Variants in CELF2 observed in about 807,000 individuals in gnomAD.
CELF2 encodes CUGBP Elav-like family member 2.
Under a neutral mutation model 62.6 loss-of-function variants are expected in CELF2, and 8 were observed. That is an observed-to-expected ratio of 0.13 (90% CI 0.07 to 0.23). The LOEUF (loss-of-function observed/expected upper bound fraction) is 0.23. Among genes scored for constraint, CELF2 ranks in the 10% least tolerant of loss-of-function variants. The probability of loss-of-function intolerance (pLI) is 1.00; values close to 1 mark genes in which losing one functional copy is unlikely to be tolerated. For synonymous variants in CELF2, 258 were observed against 250.0 expected (o/e 1.03, Z -0.30); for missense variants, 333 against 671.0 (o/e 0.50, Z 5.56).
the CELF2 span, among the ~76,000 whole-genome samples, chr10:10,723,916 TA>T: frequency 4.6e-5 from 7 of 152,146 alleles, no homozygotes; most frequent in Non-Finnish European, 1.0e-4. Flanking sequence ...AGGTTTTTTT[TA>T]AAAAAATGCA....
Position 11,270,696 on chromosome 10 carries a change from G to T in CELF2, c.649G>T (p.Ala217Ser). The T allele has an allele frequency of 6.5e-7, 1 of 1,541,486 alleles. No individual in the cohort carries two copies. ...CTCTTCACCTATCGTGGTGAAGTTTGCTGACACTCAGAAGGACAAAGAGCA... is the reference window on the plus strand; with the variant it reads ...CTCTTCACCTATCGTGGTGAAGTTTTCTGACACTCAGAAGGACAAAGAGCA... ...GCSSPIVVKF[A>S]DTQKDKEQRR... The change falls in exon 7 of 13, where the codon GCT (alanine) becomes TCT (serine). Residue 217 changes from alanine (A) to serine (S), a missense_variant. Ala to Ser is a moderately conservative substitution (Grantham distance 99). This residue lies in a region of CELF2 where 253 missense variants were observed against 503.0 expected (regional missense o/e 0.50). Coordinates refer to ENST00000633077, the MANE Select transcript of CELF2 (RefSeq NM_001326342.2). This position sits in a 1 kb window ranked among gnomAD's most constrained non-coding sequence, Gnocchi z 5.8.
intron 2 of CELF2, among the ~76,000 whole-genome samples, chr10:11,180,140 G>T (rs1391655922): frequency 6.6e-6 from 1 of 152,178 alleles, no homozygotes. Flanking sequence ...ACCCGTCTGA[G>T]CCATGATGTC....
At chr10:10,958,168 C>T (rs973688660) in intron 2 of CELF2, among the ~76,000 whole-genome samples, 1 of 152,174 alleles carries the variant, frequency 6.6e-6, no homozygotes, top group Non-Finnish European at 1.5e-5. Flanking sequence ...CAAGTTTCAA[C>T]AAGAAAGAAA....
intron 1 of CELF2, among the ~76,000 whole-genome samples, chr10:10,863,982 C>G (rs996855811): frequency 6.6e-6 from 1 of 152,180 alleles, no homozygotes. Context: ...CCCCAAACGT[C>G]TTCTAGTTTG....
chr10:11,179,913 C>G (rs1254948990), intron 2 of CELF2, among the ~76,000 whole-genome samples: 1 of 152,114 alleles, frequency 6.6e-6, no homozygotes, highest in African/African-American at 2.4e-5. Context: ...AGGTAACAGT[C>G]ACACTCAGCC....
At chr10:11,307,657 G>A (rs2094325081) in intron 9 of CELF2, among the ~76,000 whole-genome samples, 1 of 152,180 alleles carries the variant, frequency 6.6e-6, no homozygotes, top group Admixed American at 6.5e-5. Context: ...AGAAGGTTGG[G>A]GAGATGAGGG....
chr10:11,161,501 G>A (rs2065723938), intron 1 of CELF2, among the ~76,000 whole-genome samples: 1 of 152,174 alleles, frequency 6.6e-6, no homozygotes, highest in Non-Finnish European at 1.5e-5. Context: ...CATTCTCTAG[G>A]CACCTTTTGT....
chr10:10,629,861 C>CAAAAAAAA, the CELF2 span, among the ~76,000 whole-genome samples: 4 of 12,344 alleles, frequency 3.2e-4, no homozygotes, highest in Admixed American at 1.3e-3. Flanking sequence ...GGCTGAAGAC[C>CAAAAAAAA]AAAAAAAAAA....
chr10:10,634,809 G>T, the CELF2 span, among the ~76,000 whole-genome samples: 1 of 151,916 alleles, frequency 6.6e-6, no homozygotes, highest in Non-Finnish European at 1.5e-5. Flanking sequence ...CTACAGGCAT[G>T]TGCCACCATG....
the CELF2 span, among the ~76,000 whole-genome samples, chr10:10,497,166 C>T: frequency 7.2e-6 from 1 of 138,286 alleles, no homozygotes; most frequent in South Asian, 2.2e-4. Flanking sequence ...GCTTGGGCGA[C>T]AGAGCAACTG....
At chr10:11,146,142 T>G (rs917147090) in intron 1 of CELF2, among the ~76,000 whole-genome samples, 1 of 152,246 alleles carries the variant, frequency 6.6e-6, no homozygotes, top group African/African-American at 2.4e-5. Context: ...AACTTGGGTC[T>G]GAAGCATCAA....
rs1328872056 is a variant in CELF2, at chr10:11,010,378, A to G, written c.53+4938A>G. Among the ~76,000 whole-genome samples, 1 of 152,238 alleles carries G rather than the reference A, an allele frequency of 6.6e-6. No individual in the cohort carries two copies. The highest frequency in any genetic ancestry group is 1.5e-5 in the Non-Finnish European group (1 of 68,040). On this transcript the variant is annotated intron_variant, in intron 1 of 12. Coordinates refer to the CELF2 transcript ENST00000416382. The surrounding 1 kb of genome is among the most constrained non-coding windows in gnomAD (Gnocchi z 4.1). ...GTGGAAACCTCAGTGCTAAAAGAAC[A>G]ATCGAATCAGTACTGGCCTTCTCTC...
At chr10:10,470,456 G>C in the CELF2 span, among the ~76,000 whole-genome samples, 3 of 151,734 alleles carry the variant, frequency 2.0e-5, no homozygotes, top group African/African-American at 4.8e-5. Context: ...GAAGACACTA[G>C]AGAAGGATCC....
Position 11,324,271 on chromosome 10 carries a change from TGTGCATTTG to T in CELF2, c.1295-1563_1295-1555del, listed in dbSNP as rs2095610317. On this transcript the variant is annotated intron_variant, in intron 11 of 12. Transcript: ENST00000633077. This position sits in a 1 kb window ranked among gnomAD's most constrained non-coding sequence, Gnocchi z 4.7. ...AAACTGGGGCCCAATAACTCTCATT[TGTGCATTTG>T]GATCTTTTGTGCAGTAGCAACATGA... 6.6e-6 allele frequency among the ~76,000 whole-genome samples: 1 copy of T among 152,246 alleles called. No homozygotes were observed. Among genetic ancestry groups the T allele is most frequent in the South Asian group, 2.1e-4 (1 of 4,836 alleles).
chr10:10,648,330 A>AT, the CELF2 span, among the ~76,000 whole-genome samples: 34 of 152,140 alleles, frequency 2.2e-4, no homozygotes, highest in African/African-American at 7.5e-4. Context: ...ACTTCCTTTC[A>AT]TCATGTCTGT....
the CELF2 span, among the ~76,000 whole-genome samples, chr10:10,640,754 A>C: frequency 1.3e-4 from 20 of 152,388 alleles, no homozygotes; most frequent in Non-Finnish European, 4.4e-5. Context: ...TTTCAAAAAA[A>C]GAACAAAGGA....
chr10:10,760,974 G>T, the CELF2 span, among the ~76,000 whole-genome samples: 2 of 152,122 alleles, frequency 1.3e-5, no homozygotes, highest in Non-Finnish European at 2.9e-5. Flanking sequence ...TTTAAGCTGG[G>T]TGGTGACATG....
At chr10:10,967,939 C>CA (rs2050317753) in intron 2 of CELF2, among the ~76,000 whole-genome samples, 1 of 151,628 alleles carries the variant, frequency 6.6e-6, no homozygotes, top group African/African-American at 2.4e-5. Flanking sequence ...CACACACACA[C>CA]CCCATTTTAT....
chr10:11,059,247 T>A (rs1174934496), intron 1 of CELF2, among the ~76,000 whole-genome samples: 1 of 152,230 alleles, frequency 6.6e-6, no homozygotes, highest in African/African-American at 2.4e-5. Flanking sequence ...ATACACATTC[T>A]ATTCCTTAAT....
Sources: allele counts gnomAD v4.1 joint callset (sites outside exome capture counted in the v4.1 genomes callset), GRCh38; gene constraint gnomAD v4.1.1; regional missense constraint gnomAD v4.1.1; non-coding constraint Gnocchi (gnomAD v3.1); transcripts MANE v1.5; gene names NCBI Gene and HGNC (gene_info 2026-07-23, HGNC 2026-07-21).